The following VPS26C variants were observed in gnomAD, a reference collection of about 807,000 sequenced individuals.
VPS26C encodes VPS26 endosomal protein sorting factor C.
Under a neutral mutation model 30.6 loss-of-function variants are expected in VPS26C, and 19 were observed. The observed-to-expected ratio is 0.62, with a 90% CI of 0.43 to 0.91. VPS26C has a LOEUF of 0.91. Ranked by LOEUF, VPS26C falls within the 40% of genes least tolerant of loss-of-function variation. The pLI is 0.00. For synonymous variants in VPS26C, 132 were observed against 151.5 expected, an observed-to-expected ratio of 0.87 and a Z score of 0.95; for missense variants, 318 against 385.1, an observed-to-expected ratio of 0.83 and a Z score of 1.46.
At chr21:37,265,897 G>A (rs1450120105) in intron 1 of VPS26C, among the ~76,000 whole-genome samples, 1 of 146,918 alleles carries the variant, frequency 6.8e-6, no homozygotes. Flanking sequence ...CCATTATAAA[G>A]GTAGCTTTTT....
intron 7 of VPS26C, chr21:37,225,944 TTTCAA>T (rs1229652876): frequency 2.8e-6 from 1 of 351,150 alleles, no homozygotes; most frequent in Non-Finnish European, 5.4e-6. Flanking sequence ...TCTAGAACCC[TTTCAA>T]TTCATTTGTA....
At chr21:37,238,673 T>C in intron 2 of VPS26C, 64 bp from the exon 3 acceptor site, 1 of 1,582,046 alleles carries the variant, frequency 6.3e-7, no homozygotes, top group South Asian at 1.2e-5. Flanking sequence ...CAATTACTAA[T>C]AACGTTCTGA....
At chr21:37,244,955 A>G (rs1390396507) in intron 1 of VPS26C, among the ~76,000 whole-genome samples, 3 of 152,208 alleles carry the variant, frequency 2.0e-5, no homozygotes, top group Non-Finnish European at 1.5e-5. Flanking sequence ...GGTGGAGACA[A>G]TGAGCCCCTC....
rs2086258174 is a variant in VPS26C at position 37,257,726 on chromosome 21, T to A, written c.57+9512A>T. Among the ~76,000 whole-genome samples, 1 of 149,836 alleles carries A rather than the reference T, an allele frequency of 6.7e-6. No homozygotes were observed. The highest frequency in any genetic ancestry group is 2.1e-4 in the South Asian group (1 of 4,654). ...CCCAAGCACGGGCGGAAGAAAGGAC[T>A]GGAGGGGAGGGAAAGGGGTGGGGAG... On this transcript the variant is annotated intron_variant, in intron 1 of 7. Coordinates refer to ENST00000309117, the MANE Select transcript of VPS26C (RefSeq NM_006052.2). This position sits in a 1 kb window ranked among gnomAD's most constrained non-coding sequence, Gnocchi z 4.2.
At chr21:37,262,160 A>C (rs2086311294) in intron 1 of VPS26C, among the ~76,000 whole-genome samples, 1 of 152,236 alleles carries the variant, frequency 6.6e-6, no homozygotes, top group Non-Finnish European at 1.5e-5. Context: ...CTGCCAGATT[A>C]GATGAGGATG....
At chr21:37,231,326 A>G (rs972385422) in intron 5 of VPS26C, among the ~76,000 whole-genome samples, 2 of 152,232 alleles carry the variant, frequency 1.3e-5, no homozygotes, top group Admixed American at 1.3e-4. Context: ...CCGAAGAAGA[A>G]ACGGTGTCTA....
At chr21:37,228,142 CA>C in intron 6 of VPS26C, 80 bp downstream of exon 6, 1 of 1,545,064 alleles carries the variant, frequency 6.5e-7, no homozygotes, top group Non-Finnish European at 8.7e-7. Flanking sequence ...CCCAGCCCCC[CA>C]GCATCCTCTT....
At position 37,233,328 on chromosome 21, in the gene VPS26C, T is replaced by C. The variant is rs2085986007; in HGVS notation, c.432+34A>G. ...TCTCAGACCCCATGGGAGATTCCTATCATTAAGCACCAGAGTCCCCGAGTG... is the reference window on the plus strand; with the variant it reads ...TCTCAGACCCCATGGGAGATTCCTACCATTAAGCACCAGAGTCCCCGAGTG... On this transcript the variant is annotated intron_variant, in intron 4 of 7. Coordinates refer to ENST00000309117, the MANE Select transcript of VPS26C (RefSeq NM_006052.2). This position sits in a 1 kb window ranked among gnomAD's most constrained non-coding sequence, Gnocchi z 5.2. 6.4e-7 allele frequency: 1 copy of C among 1,571,396 alleles called. No individual in the cohort carries two copies.
In VPS26C at chr21:37,257,547, C is replaced by T. The variant is rs1490034779; in HGVS notation, c.57+9691G>A. 6.6e-6 allele frequency among the ~76,000 whole-genome samples: 1 copy of T among 152,212 alleles called. No homozygotes were observed. The highest frequency in any genetic ancestry group is 1.5e-5 in the Non-Finnish European group (1 of 68,040). ...CACATGCAGTAAAAGCACTGCCTGT[C>T]TGTATAACAACGACCTGATGAAAAA... is the stretch of plus-strand genomic sequence containing the variant. On this transcript the variant is annotated intron_variant, in intron 1 of 7. Transcript: ENST00000309117. This position sits in a 1 kb window ranked among gnomAD's most constrained non-coding sequence, Gnocchi z 4.2.
Position 37,257,210 on chromosome 21 carries a change from G to T in VPS26C, c.57+10028C>A, listed in dbSNP as rs1309658318. The stretch of plus-strand genomic sequence containing the variant: ...AGGAAGTGCGGTTTCCCAAAATGAG[G>T]TCTGTAAACAACTGATCTAGAAAAT... On this transcript the variant is annotated intron_variant, in intron 1 of 7. Coordinates refer to ENST00000309117, the MANE Select transcript of VPS26C (RefSeq NM_006052.2). This position sits in a 1 kb window ranked among gnomAD's most constrained non-coding sequence, Gnocchi z 4.2. Among the ~76,000 whole-genome samples the T allele has an allele frequency of 1.3e-5, 2 of 152,180 alleles. No individual in the cohort carries two copies. The highest frequency in any genetic ancestry group is 2.9e-5 in the Non-Finnish European group (2 of 68,030).
At chr21:37,255,581 C>G (rs1375140809) in intron 1 of VPS26C, among the ~76,000 whole-genome samples, 1 of 152,106 alleles carries the variant, frequency 6.6e-6, no homozygotes, top group Non-Finnish European at 1.5e-5. Context: ...ACAGCTTGTT[C>G]CTATCAGAAG....
intron 3 of VPS26C, among the ~76,000 whole-genome samples, chr21:37,236,369 T>G (rs1193047703): frequency 6.6e-6 from 1 of 152,136 alleles, no homozygotes; most frequent in African/African-American, 2.4e-5. Context: ...AATGAATGGA[T>G]GGATGGATGA....
At chr21:37,262,590 A>T (rs1279429728) in intron 1 of VPS26C, among the ~76,000 whole-genome samples, 1 of 152,228 alleles carries the variant, frequency 6.6e-6, no homozygotes, top group Non-Finnish European at 1.5e-5. Flanking sequence ...TGAAAATGTT[A>T]ATATGAAAAG....
intron 2 of VPS26C, among the ~76,000 whole-genome samples, chr21:37,238,986 C>T (rs1569234940): frequency 6.6e-6 from 1 of 152,200 alleles, no homozygotes; most frequent in African/African-American, 2.4e-5. Context: ...CCACGGCTCC[C>T]CCTCACCGAG....
rs1193083385 is a variant in VPS26C, at chr21:37,238,465, T to G, written c.346A>C (p.Ile116Leu). The G allele has an allele frequency of 6.2e-7, 1 of 1,614,004 alleles. No individual in the cohort carries two copies. The change falls in exon 3 of 8, where the codon ATT becomes CTT. Residue 116 changes from isoleucine to leucine, a missense_variant. Coordinates refer to ENST00000309117, the MANE Select transcript of VPS26C (RefSeq NM_006052.2). ...TAGGACTAGGAAGCTCTCACCTGAATGTTGACAAACACGCCATGATACGTC... is the reference window on the plus strand; with the variant it reads ...TAGGACTAGGAAGCTCTCACCTGAAGGTTGACAAACACGCCATGATACGTC... ...YETYHGVFVN[I>L]QYTLRCDMKR...
intron 3 of VPS26C, among the ~76,000 whole-genome samples, chr21:37,234,624 A>G (rs963159381): frequency 1.3e-5 from 2 of 152,236 alleles, no homozygotes; most frequent in Admixed American, 6.5e-5. Flanking sequence ...TTAATCGTCC[A>G]GGAAAAACTT....
At position 37,233,162 on chromosome 21, in the gene VPS26C, C is replaced by T. The variant is rs2085983568; in HGVS notation, c.432+200G>A. The T allele has an allele frequency of 1.8e-6, 1 of 545,602 alleles. No homozygotes were observed. Among genetic ancestry groups the T allele is most frequent in the Non-Finnish European group, 3.3e-6 (1 of 303,136 alleles). 33.8% of individuals were successfully genotyped at this position (545,602 alleles called of 1,614,324 possible). A position where few individuals can be genotyped will look rare whatever the true frequency, so the allele number is the denominator to read the frequency against. On this transcript the variant is annotated intron_variant, in intron 4 of 7. Transcript: ENST00000309117. This position sits in a 1 kb window ranked among gnomAD's most constrained non-coding sequence, Gnocchi z 5.2. ...GAGTCCCTCTGGCCCGCGGCCTCAG[C>T]TGGGGGACTCTGGGCCCAGGACAAT...
chr21:37,241,323 A>G (rs1038984375), intron 1 of VPS26C, among the ~76,000 whole-genome samples: 3 of 152,184 alleles, frequency 2.0e-5, no homozygotes. Context: ...ACAACAGATC[A>G]TCTGTGCATT....
chr21:37,240,302 A>C (rs2086071999), intron 2 of VPS26C, among the ~76,000 whole-genome samples, 194 bp downstream of exon 2: 1 of 151,770 alleles, frequency 6.6e-6, no homozygotes. Context: ...TTTAAAGTTT[A>C]TTTATAGAGA....
Sources: gnomAD v4.1 joint callset for allele counts (sites outside exome capture counted in the v4.1 genomes callset) on GRCh38, gnomAD v4.1.1 for gene constraint, Gnocchi (gnomAD v3.1) non-coding constraint, MANE v1.5 for transcripts, NCBI Gene and HGNC (gene_info 2026-07-23, HGNC 2026-07-21) for gene names.